SLCO3A1: variants seen among roughly 807,000 people sequenced by gnomAD.
SLCO3A1 encodes solute carrier organic anion transporter family member 3A1.
SLCO3A1 carries 27 observed loss-of-function variants against 63.1 expected under a neutral mutation model. The ratio of observed to expected loss-of-function variants is 0.43; its 90% confidence interval spans 0.32 to 0.59. The LOEUF is 0.59. Among genes scored for constraint, SLCO3A1 ranks in the 20% least tolerant of loss-of-function variants. The probability of loss-of-function intolerance (pLI) is 0.09; values close to 1 mark genes in which losing one functional copy is unlikely to be tolerated. For synonymous variants in SLCO3A1, 473 were observed against 409.9 expected (o/e 1.15, Z -1.86); for missense variants, 773 against 945.8 (o/e 0.82, Z 2.40).
intron 1 of SLCO3A1, among the ~76,000 whole-genome samples, chr15:91,880,403 C>G (rs79324254): frequency 0.6 from 83,372 of 139,748 alleles, 24,655 homozygotes; most frequent in East Asian, 0.67. Context: ...CTCTCTCTCT[C>G]TCTCTCTGTG....
chr15:91,993,962 C>T (rs1429665684), intron 2 of SLCO3A1, among the ~76,000 whole-genome samples: 3 of 152,160 alleles, frequency 2.0e-5, no homozygotes, highest in African/African-American at 4.8e-5. Context: ...TGAAAAGAAG[C>T]CCCCTTGGAA....
Position 92,036,836 on chromosome 15 carries a change from G to C in SLCO3A1, c.647-58045G>C, listed in dbSNP as rs1018679040. ...TTTTCCTTCAACAGACCATTAGAAT[G>C]TGACCTCTGTGAAGACAACAGAAAT... On this transcript the variant is annotated intron_variant, in intron 2 of 9. Transcript: ENST00000318445. Among the ~76,000 whole-genome samples the C allele has an allele frequency of 2.4e-4, 36 of 152,184 alleles. 1 individual carries two copies. Among genetic ancestry groups the C allele is most frequent in the Admixed American group, 1.9e-3 (29 of 15,282 alleles).
At chr15:92,166,291 C>T (rs897590275), downstream of SLCO3A1, among the ~76,000 whole-genome samples, 2 of 152,082 alleles carry the variant, frequency 1.3e-5, no homozygotes, top group Non-Finnish European at 2.9e-5. Flanking sequence ...CTCTCACGGT[C>T]CCCCCGAGGA....
intron 2 of SLCO3A1, among the ~76,000 whole-genome samples, chr15:92,024,855 G>A (rs1242900421): frequency 3.3e-5 from 5 of 152,060 alleles, no homozygotes; most frequent in African/African-American, 7.2e-5. Flanking sequence ...AAATACAAAG[G>A]CCTTCCCATT....
chr15:92,089,300 A>G (rs1368918365), intron 2 of SLCO3A1, among the ~76,000 whole-genome samples: 1 of 152,160 alleles, frequency 6.6e-6, no homozygotes, highest in Non-Finnish European at 1.5e-5. Flanking sequence ...CTCTGGGATT[A>G]CAGGCGTGAG....
At chr15:91,991,126 T>G (rs1200724753) in intron 2 of SLCO3A1, among the ~76,000 whole-genome samples, 2 of 152,130 alleles carry the variant, frequency 1.3e-5, no homozygotes, top group Admixed American at 1.3e-4. Context: ...TCCCAATACT[T>G]TGGGAGGCTG....
intron 2 of SLCO3A1, among the ~76,000 whole-genome samples, chr15:91,956,782 CTTTTTTT>C (rs750285182): frequency 8.2e-6 from 1 of 122,428 alleles, no homozygotes; most frequent in East Asian, 2.4e-4. Context: ...GCCTTGCCTT[CTTTTTTT>C]TTTTTTTTTC....
intron 2 of SLCO3A1, among the ~76,000 whole-genome samples, chr15:91,945,140 C>T (rs954004398): frequency 6.6e-6 from 1 of 151,866 alleles, no homozygotes; most frequent in African/African-American, 2.4e-5. Context: ...GTCAGGAGTT[C>T]GAGACACCCT....
chr15:91,998,962 A>G (rs1229527427), intron 2 of SLCO3A1, among the ~76,000 whole-genome samples: 3 of 152,276 alleles, frequency 2.0e-5, no homozygotes, highest in Non-Finnish European at 4.4e-5. Flanking sequence ...AGCCGTTAGA[A>G]GGAATGAAGT....
chr15:91,887,328 G>A (rs1031905807), intron 1 of SLCO3A1, among the ~76,000 whole-genome samples: 3 of 151,986 alleles, frequency 2.0e-5, no homozygotes, highest in Admixed American at 2.0e-4. Context: ...GAGTTTTGAT[G>A]TCGAGACCCC....
chr15:92,083,839 A>G (rs1161273167), intron 2 of SLCO3A1, among the ~76,000 whole-genome samples: 4 of 152,180 alleles, frequency 2.6e-5, no homozygotes, highest in African/African-American at 9.7e-5. Flanking sequence ...TGAGGCACTA[A>G]TCACCCAAAC....
intron 2 of SLCO3A1, among the ~76,000 whole-genome samples, chr15:92,049,029 A>G (rs2151495356): frequency 6.6e-6 from 1 of 152,324 alleles, no homozygotes; most frequent in Admixed American, 6.5e-5. Context: ...TATATGTGAA[A>G]GGATAACACA....
intron 2 of SLCO3A1, among the ~76,000 whole-genome samples, chr15:91,989,145 C>T (rs1020043719): frequency 6.6e-6 from 1 of 152,172 alleles, no homozygotes; most frequent in South Asian, 2.1e-4. Flanking sequence ...TTCCACTGTG[C>T]CTTCGCATAA....
chr15:91,962,479 CAAAAA>C lies in SLCO3A1; in HGVS notation c.646+46039_646+46043del, dbSNP rs35274991. Among the ~76,000 whole-genome samples, 76 of 81,736 alleles carry C rather than the reference CAAAAA, an allele frequency of 9.3e-4. 1 individual carries two copies. The highest frequency in any genetic ancestry group is 3.3e-3 in the African/African-American group (70 of 20,912). 53.6% of individuals were successfully genotyped at this position (81,736 alleles called of 152,430 possible). A position where few individuals can be genotyped will look rare whatever the true frequency, so the allele number is the denominator to read the frequency against. ...GGGCAACAAGAGCGAAACTCCGTCT[CAAAAA>C]AAAAAAAAAAAAAAAAAGAGCAAGG... On this transcript the variant is annotated intron_variant, in intron 2 of 9. Transcript: ENST00000318445.
At chr15:92,142,851 G>T (rs1209373983) in intron 7 of SLCO3A1, among the ~76,000 whole-genome samples, 1 of 152,096 alleles carries the variant, frequency 6.6e-6, no homozygotes, top group Non-Finnish European at 1.5e-5. Flanking sequence ...GCAGAGAGAG[G>T]CCAGTTTCCT....
At chr15:92,025,209 T>A (rs1380438217) in intron 2 of SLCO3A1, among the ~76,000 whole-genome samples, 1 of 152,102 alleles carries the variant, frequency 6.6e-6, no homozygotes, top group Non-Finnish European at 1.5e-5. Flanking sequence ...TTCTTGGGTT[T>A]TTTGTTTTGT....
chr15:91,898,711 C>T (rs1312253046), intron 1 of SLCO3A1, among the ~76,000 whole-genome samples: 1 of 151,698 alleles, frequency 6.6e-6, no homozygotes, highest in Non-Finnish European at 1.5e-5. Context: ...GGGAAAATTA[C>T]TTCTGGGTGG....
intron 2 of SLCO3A1, among the ~76,000 whole-genome samples, chr15:92,060,307 C>T (rs1327490476): frequency 6.6e-6 from 1 of 152,062 alleles, no homozygotes; most frequent in East Asian, 2.0e-4. Flanking sequence ...TGCCTGTAAT[C>T]CCAGTAGTTT....
rs1015117003 is a variant in SLCO3A1 at position 91,885,740 on chromosome 15, C to T, written c.181-30253C>T. Reference sequence around the variant, plus strand: ...TGCGGTCTGACAATTCAGATCCCTTCGCCTTCCCCTCCCCTATTTTTATGG... The same window carrying T: ...TGCGGTCTGACAATTCAGATCCCTTTGCCTTCCCCTCCCCTATTTTTATGG... On this transcript the variant is annotated intron_variant, in intron 1 of 9. Transcript: ENST00000318445. The surrounding 1 kb of genome is among the most constrained non-coding windows in gnomAD (Gnocchi z 4.7). Among the ~76,000 whole-genome samples the T allele has an allele frequency of 3.6e-4, 55 of 152,244 alleles. No individual in the cohort carries two copies. Among genetic ancestry groups the T allele is most frequent in the African/African-American group, 1.3e-3 (53 of 41,466 alleles).
Sources: gnomAD v4.1 joint callset for allele counts (sites outside exome capture counted in the v4.1 genomes callset) on GRCh38, gnomAD v4.1.1 for gene constraint, Gnocchi (gnomAD v3.1) non-coding constraint, MANE v1.5 for transcripts, NCBI Gene and HGNC (gene_info 2026-07-23, HGNC 2026-07-21) for gene names.